The following KIF26B variants were observed in gnomAD, a reference collection of about 807,000 sequenced individuals.
The protein encoded by KIF26B is kinesin family member 26B, also known as kinesin-like protein KIF26B.
In KIF26B, 63 loss-of-function variants were observed where a neutral mutation model predicts 151.2. That is an observed-to-expected ratio of 0.42 (90% CI 0.34 to 0.51). KIF26B has a LOEUF of 0.51. KIF26B is among the 20% of genes least tolerant of loss of function. KIF26B has a pLI of 0.07. For missense variants in KIF26B, 2,813 were observed against 2,913.6 expected (o/e 0.97, Z 0.79); for synonymous variants, 1,357 against 1,262.1 (o/e 1.08, Z -1.59).
intron 2 of KIF26B, among the ~76,000 whole-genome samples, chr1:245,321,253 G>A (rs1197298970): frequency 7.2e-5 from 11 of 152,162 alleles, no homozygotes; most frequent in Non-Finnish European, 1.5e-5. Context: ...ACCATGTACT[G>A]TGCCTTTACC....
chr1:245,662,391 A>G (rs1391510931), intron 10 of KIF26B, among the ~76,000 whole-genome samples: 1 of 74,882 alleles, frequency 1.3e-5, no homozygotes, highest in Non-Finnish European at 2.9e-5. Flanking sequence ...CACCATATAT[A>G]TATACACACA....
intron 3 of KIF26B, among the ~76,000 whole-genome samples, chr1:245,404,323 A>T (rs1244146154): frequency 6.6e-6 from 1 of 152,094 alleles, no homozygotes; most frequent in Non-Finnish European, 1.5e-5. Flanking sequence ...TTTAAATAGC[A>T]GACTCCAGGG....
At chr1:245,267,400 C>T (rs1670766018) in intron 2 of KIF26B, among the ~76,000 whole-genome samples, 2 of 152,170 alleles carry the variant, frequency 1.3e-5, no homozygotes, top group African/African-American at 2.4e-5. Context: ...CACCGTAGAG[C>T]AGAGGACTAA....
At position 245,227,808 on chromosome 1, in the gene KIF26B, C is replaced by A. The variant is rs1669905293; in HGVS notation, c.465+71125C>A. 6.6e-6 allele frequency among the ~76,000 whole-genome samples: 1 copy of A among 152,076 alleles called. No individual in the cohort carries two copies. The highest frequency in any genetic ancestry group is 2.4e-5 in the African/African-American group (1 of 41,416). ...CTGAGGTCAGGAGTTTGAGACCAGC[C>A]TGGCCAACATGGTGGAACCCCATCT... On this transcript the variant is annotated intron_variant, in intron 2 of 14. Coordinates refer to ENST00000407071, the MANE Select transcript of KIF26B (RefSeq NM_018012.4). The surrounding 1 kb of genome is among the most constrained non-coding windows in gnomAD (Gnocchi z 4.1).
chr1:245,395,160 A>G (rs1673803098), intron 3 of KIF26B, among the ~76,000 whole-genome samples: 1 of 152,200 alleles, frequency 6.6e-6, no homozygotes, highest in African/African-American at 2.4e-5. Context: ...TTGAGCAATC[A>G]TAATGTAATA....
At chr1:245,324,536 T>G (rs1671948276) in intron 2 of KIF26B, among the ~76,000 whole-genome samples, 1 of 152,196 alleles carries the variant, frequency 6.6e-6, no homozygotes, top group African/African-American at 2.4e-5. Flanking sequence ...CTGTCGAGAA[T>G]AAAATGAAGC....
intron 6 of KIF26B, among the ~76,000 whole-genome samples, chr1:245,603,528 G>A (rs1006617478): frequency 9.2e-5 from 14 of 152,166 alleles, no homozygotes; most frequent in African/African-American, 3.1e-4. Flanking sequence ...TCAGCCAGGC[G>A]AAATAAGATC....
At chr1:245,515,441 G>A (rs550319529) in intron 4 of KIF26B, among the ~76,000 whole-genome samples, 3 of 152,174 alleles carry the variant, frequency 2.0e-5, no homozygotes, top group South Asian at 2.1e-4. Context: ...TTTCCCGAAC[G>A]GATACGTAAA....
chr1:245,230,007 C>G (rs535711858), intron 2 of KIF26B, among the ~76,000 whole-genome samples: 242 of 152,234 alleles, frequency 1.6e-3, no homozygotes, highest in African/African-American at 5.7e-3. Flanking sequence ...GCGGCACATG[C>G]CTGTAATCCC....
intron 3 of KIF26B, among the ~76,000 whole-genome samples, chr1:245,399,958 T>C (rs2103026430): frequency 6.6e-6 from 1 of 152,352 alleles, no homozygotes; most frequent in South Asian, 2.1e-4. Flanking sequence ...CAATGTTCAG[T>C]ACCTTTCTTT....
rs564814193 is a variant in KIF26B, at chr1:245,381,590, C to T, written c.999+14223C>T. Among the ~76,000 whole-genome samples, 15 of 152,168 alleles carry T rather than the reference C, an allele frequency of 9.9e-5. No homozygotes were observed. The East Asian group carries it at 2.1e-3, about 22-fold the overall frequency. ...TTCTTCCAATGTGGCCCAGGGAAGC[C>T]GAAAGATTGGACACCCCTGACTCTT... On this transcript the variant is annotated intron_variant, in intron 3 of 14. Transcript: ENST00000407071.
At chr1:245,193,354 C>T (rs1235943024) in intron 2 of KIF26B, among the ~76,000 whole-genome samples, 1 of 152,128 alleles carries the variant, frequency 6.6e-6, no homozygotes, top group African/African-American at 2.4e-5. Flanking sequence ...TGTGCATATG[C>T]CTTTATGGTA....
chr1:245,377,284 G>A lies in KIF26B; in HGVS notation c.999+9917G>A, dbSNP rs1388025172. 5.9e-5 allele frequency among the ~76,000 whole-genome samples: 9 copies of A among 152,180 alleles called. No individual in the cohort carries two copies. The South Asian group carries it at 6.2e-4, about 11-fold the overall frequency. ...ACTGCAAGTCTGAAATCAAGGTGTC[G>A]GCCGTGCTGTGCTTCCTCTGAAGGC... On this transcript the variant is annotated intron_variant, in intron 3 of 14. Coordinates refer to ENST00000407071, the MANE Select transcript of KIF26B (RefSeq NM_018012.4).
intron 2 of KIF26B, among the ~76,000 whole-genome samples, chr1:245,366,358 C>T (rs908596820): frequency 2.0e-5 from 3 of 151,956 alleles, no homozygotes; most frequent in Admixed American, 2.0e-4. Context: ...CAGTGAAACC[C>T]CATCTCTACT....
chr1:245,228,234 C>G (rs1271611802), intron 2 of KIF26B, among the ~76,000 whole-genome samples: 3 of 152,188 alleles, frequency 2.0e-5, no homozygotes, highest in Non-Finnish European at 2.9e-5. Flanking sequence ...TTGATCATTC[C>G]CTGCACTTGT....
intron 2 of KIF26B, among the ~76,000 whole-genome samples, chr1:245,286,803 A>C (rs1671170400): frequency 6.6e-6 from 1 of 152,152 alleles, no homozygotes; most frequent in African/African-American, 2.4e-5. Flanking sequence ...AACATTAAAA[A>C]TTTCATGCAA....
At chr1:245,265,201 CAAAA>C (rs59716075) in intron 2 of KIF26B, among the ~76,000 whole-genome samples, 4 of 47,424 alleles carry the variant, frequency 8.4e-5, no homozygotes, top group African/African-American at 2.2e-4. Flanking sequence ...GACTCCATCT[CAAAA>C]AAAAAAAAAA....
At chr1:245,492,054 T>G (rs1169232400) in intron 4 of KIF26B, among the ~76,000 whole-genome samples, 1 of 152,174 alleles carries the variant, frequency 6.6e-6, no homozygotes, top group Non-Finnish European at 1.5e-5. Context: ...ATCTTTAAGT[T>G]CCTGCCAAGT....
At chr1:245,604,356 C>T (rs961750320) in intron 6 of KIF26B, among the ~76,000 whole-genome samples, 8 of 152,142 alleles carry the variant, frequency 5.3e-5, no homozygotes, top group East Asian at 1.9e-4. Context: ...TATATTACAC[C>T]GTGGGCACAC....
Sources: allele counts gnomAD v4.1 joint callset (sites outside exome capture counted in the v4.1 genomes callset), GRCh38; gene constraint gnomAD v4.1.1; non-coding constraint Gnocchi (gnomAD v3.1); transcripts MANE v1.5; gene names NCBI Gene and HGNC (gene_info 2026-07-23, HGNC 2026-07-21).